Variants in TMEM178B observed in about 807,000 individuals in gnomAD.
TMEM178B encodes transmembrane protein 178B.
TMEM178B carries 5 observed loss-of-function variants against 31.0 expected under a neutral mutation model. The ratio of observed to expected loss-of-function variants is 0.16; its 90% CI spans 0.08 to 0.34. The LOEUF (loss-of-function observed/expected upper bound fraction) is 0.34. TMEM178B is among the 10% of genes least tolerant of loss of function. The pLI, the probability that TMEM178B is intolerant of heterozygous loss-of-function variation, is 1.00. For missense variants in TMEM178B, 275 were observed against 400.3 expected (o/e 0.69, Z 2.67); for synonymous variants, 164 against 164.0 (o/e 1.00, Z 0.00).
At chr7:141,368,041 A>G (rs1229390236) in intron 2 of TMEM178B, among the ~76,000 whole-genome samples, 1 of 152,166 alleles carries the variant, frequency 6.6e-6, no homozygotes, top group Admixed American at 6.5e-5. Flanking sequence ...AAAAGGGGCC[A>G]GGCACAGTAG....
chr7:141,260,566 C>T (rs1421591448), intron 2 of TMEM178B, among the ~76,000 whole-genome samples: 1 of 152,152 alleles, frequency 6.6e-6, no homozygotes, highest in African/African-American at 2.4e-5. Context: ...CTCCCTACCT[C>T]ATCCTTAGGA....
chr7:141,299,262 C>T (rs191728922), intron 2 of TMEM178B, among the ~76,000 whole-genome samples: 48 of 152,104 alleles, frequency 3.2e-4, no homozygotes, highest in African/African-American at 1.1e-3. Context: ...CTGCAAACTC[C>T]GCATCCTAGG....
rs892010157 is a variant in TMEM178B, at chr7:141,074,917, C to G, written c.382+225C>G. On this transcript the variant is annotated intron_variant, in intron 1 of 3. Transcript: ENST00000565468. The surrounding 1 kb of genome is among the most constrained non-coding windows in gnomAD (Gnocchi z 5.1). ...CTCCCCTGCCTCTCCTTTCGCGCGTCTCTGTCGGGATTCGAGTGGAACCTC... is the reference window on the plus strand; with the variant it reads ...CTCCCCTGCCTCTCCTTTCGCGCGTGTCTGTCGGGATTCGAGTGGAACCTC... Among the ~76,000 whole-genome samples the G allele has an allele frequency of 2.0e-5, 3 of 152,228 alleles. No homozygotes were observed. Among genetic ancestry groups the G allele is most frequent in the African/African-American group, 7.2e-5 (3 of 41,454 alleles).
intron 3 of TMEM178B, among the ~76,000 whole-genome samples, chr7:141,466,230 C>T (rs1331907959): frequency 2.0e-5 from 3 of 152,180 alleles, no homozygotes; most frequent in Admixed American, 2.0e-4. Flanking sequence ...CAAGAGCTAA[C>T]AGAAGGAATT....
chr7:141,084,384 C>T (rs954736882), intron 1 of TMEM178B, among the ~76,000 whole-genome samples: 1 of 152,136 alleles, frequency 6.6e-6, no homozygotes, highest in Admixed American at 6.5e-5. Context: ...TATTAAGCAC[C>T]AACAATGCCA....
chr7:141,370,131 A>ACCACAGAG (rs2116566868), intron 2 of TMEM178B, among the ~76,000 whole-genome samples: 1 of 152,144 alleles, frequency 6.6e-6, no homozygotes, highest in Admixed American at 6.5e-5. Flanking sequence ...GTGTGACTGG[A>ACCACAGAG]CCACAGAGAG....
At chr7:141,141,168 C>T (rs1795762199) in intron 1 of TMEM178B, among the ~76,000 whole-genome samples, 2 of 152,126 alleles carry the variant, frequency 1.3e-5, no homozygotes, top group Admixed American at 1.3e-4. Context: ...ATTTATTTTA[C>T]ACTTTAGGTT....
Position 141,390,462 on chromosome 7 carries a change from A to T in TMEM178B, c.497-47146A>T, listed in dbSNP as rs142974575. On this transcript the variant is annotated intron_variant, in intron 2 of 3. Transcript: ENST00000565468. ...GACAGATCAGCTCCCACTCAGAATC[A>T]AGTGAGTTTTACTGGTTGCTGAAAT... 7.9e-5 allele frequency among the ~76,000 whole-genome samples: 12 copies of T among 152,344 alleles called. No individual in the cohort carries two copies. In the East Asian group the frequency reaches 2.3e-3, roughly 29 times the overall value.
intron 2 of TMEM178B, among the ~76,000 whole-genome samples, chr7:141,255,534 T>A (rs954959335): frequency 2.0e-5 from 3 of 152,238 alleles, no homozygotes; most frequent in African/African-American, 7.2e-5. Flanking sequence ...TCACTTTTGC[T>A]TTGTAAAATG....
intron 2 of TMEM178B, among the ~76,000 whole-genome samples, chr7:141,412,502 C>T (rs1801009411): frequency 6.6e-6 from 1 of 152,144 alleles, no homozygotes; most frequent in South Asian, 2.1e-4. Flanking sequence ...AAGAGAGTTG[C>T]ACCAGCCTGA....
chr7:141,214,323 A>ATTT (rs1797097469), intron 2 of TMEM178B, among the ~76,000 whole-genome samples: 1 of 152,150 alleles, frequency 6.6e-6, no homozygotes, highest in African/African-American at 2.4e-5. Context: ...AATTAACTCC[A>ATTT]TTTAACCAAA....
intron 2 of TMEM178B, among the ~76,000 whole-genome samples, chr7:141,296,501 C>A (rs1798637150): frequency 6.6e-6 from 1 of 152,176 alleles, no homozygotes; most frequent in South Asian, 2.1e-4. Context: ...GATGAATAGA[C>A]AACAGTGCCT....
intron 1 of TMEM178B, among the ~76,000 whole-genome samples, chr7:141,117,641 A>G (rs1384484070): frequency 1.3e-5 from 2 of 152,144 alleles, no homozygotes; most frequent in Non-Finnish European, 2.9e-5. Flanking sequence ...TTATGGTTTT[A>G]GGTCTTACAT....
intron 1 of TMEM178B, among the ~76,000 whole-genome samples, chr7:141,169,123 G>C (rs913423125): frequency 6.6e-6 from 1 of 152,190 alleles, no homozygotes; most frequent in Non-Finnish European, 1.5e-5. Context: ...GGGGTTGGTT[G>C]TACAGATTAT....
At chr7:141,150,155 C>T (rs1586796812) in intron 1 of TMEM178B, among the ~76,000 whole-genome samples, 2 of 151,998 alleles carry the variant, frequency 1.3e-5, no homozygotes, top group South Asian at 2.1e-4. Flanking sequence ...GAAGCTGAGC[C>T]AGAGGTATAA....
chr7:141,209,098 C>A (rs1586826698), intron 1 of TMEM178B, among the ~76,000 whole-genome samples: 1 of 152,324 alleles, frequency 6.6e-6, no homozygotes, highest in East Asian at 1.9e-4. Flanking sequence ...GCCCAGGTAT[C>A]CCTGGGAAGT....
intron 2 of TMEM178B, among the ~76,000 whole-genome samples, chr7:141,338,081 C>G (rs565990500): frequency 6.6e-6 from 1 of 152,296 alleles, no homozygotes; most frequent in East Asian, 1.9e-4. Context: ...TCGTGATGCA[C>G]CCACCTCGGC....
At chr7:141,207,724 G>T (rs532430769) in intron 1 of TMEM178B, among the ~76,000 whole-genome samples, 2 of 152,090 alleles carry the variant, frequency 1.3e-5, no homozygotes, top group Non-Finnish European at 2.9e-5. Flanking sequence ...GGCAGGAGGG[G>T]TCACTAGCTC....
chr7:141,317,524 A>G (rs1488808958), intron 2 of TMEM178B, among the ~76,000 whole-genome samples: 1 of 152,182 alleles, frequency 6.6e-6, no homozygotes, highest in East Asian at 1.9e-4. Context: ...CTAGACCTGG[A>G]GAAAAACTGC....
Sources: allele counts gnomAD v4.1 joint callset (sites outside exome capture counted in the v4.1 genomes callset), GRCh38; gene constraint gnomAD v4.1.1; non-coding constraint Gnocchi (gnomAD v3.1); transcripts MANE v1.5; gene names NCBI Gene and HGNC (gene_info 2026-07-23, HGNC 2026-07-21).